SLIT2: variants seen among roughly 807,000 people sequenced by gnomAD.
The protein encoded by SLIT2 is slit guidance ligand 2.
A neutral mutation model predicts 185.7 loss-of-function variants in SLIT2; 41 were observed. The observed-to-expected ratio is 0.22, with a 90% CI of 0.17 to 0.29. The LOEUF (loss-of-function observed/expected upper bound fraction) is 0.29. SLIT2 is among the 10% of genes least tolerant of loss of function. SLIT2 has a pLI of 1.00. For missense variants in SLIT2, 1,571 were observed against 1,909.0 expected (o/e 0.82, Z 3.30); for synonymous variants, 693 against 680.2 (o/e 1.02, Z -0.29).
chr4:20,416,837 T>C (rs1312587839), intron 4 of SLIT2, among the ~76,000 whole-genome samples: 1 of 152,222 alleles, frequency 6.6e-6, no homozygotes. Context: ...TTAGCCTCAA[T>C]TGGAAAAATG....
intron 4 of SLIT2, among the ~76,000 whole-genome samples, chr4:20,302,645 G>A (rs1717163902): frequency 1.3e-5 from 2 of 152,096 alleles, no homozygotes; most frequent in African/African-American, 2.4e-5. Context: ...ATTTAAGGAG[G>A]GAGGTTAAGG....
At chr4:20,612,824 A>G (rs980934359) in intron 34 of SLIT2, among the ~76,000 whole-genome samples, 1 of 151,132 alleles carries the variant, frequency 6.6e-6, no homozygotes, top group African/African-American at 2.4e-5. Flanking sequence ...AGACTGAGGC[A>G]GGAGAATGGC....
intron 4 of SLIT2, among the ~76,000 whole-genome samples, chr4:20,306,498 C>G (rs76254348): frequency 6.6e-5 from 10 of 152,008 alleles, no homozygotes; most frequent in Non-Finnish European, 8.8e-5. Flanking sequence ...GCTTGAAAAT[C>G]CTAAAATGTA....
rs1721639097 is a variant in SLIT2 at position 20,348,726 on chromosome 4, G to T, written c.395+79845G>T. 1.3e-5 allele frequency among the ~76,000 whole-genome samples: 2 copies of T among 152,198 alleles called. 1 individual carries two copies. Among genetic ancestry groups the T allele is most frequent in the South Asian group, 4.1e-4 (2 of 4,834 alleles). On this transcript the variant is annotated intron_variant, in intron 4 of 36. Transcript: ENST00000504154. The stretch of plus-strand genomic sequence containing the variant: ...GAATATAAGTGCTCTGTCATTAAGA[G>T]TTCGTTTGTCAACGTCTTGAGTCTT...
intron 30 of SLIT2, 140 bp from the exon 31 acceptor site, chr4:20,595,557 G>C (rs775033825): frequency 2.1e-6 from 2 of 974,516 alleles, no homozygotes; most frequent in Non-Finnish European, 3.1e-6. Flanking sequence ...CGATTTTCTA[G>C]GTATCCATTA....
At chr4:20,518,550 C>T (rs1329373607) in intron 11 of SLIT2, among the ~76,000 whole-genome samples, 4 of 45,850 alleles carry the variant, frequency 8.7e-5, no homozygotes, top group African/African-American at 7.2e-5. Flanking sequence ...CTGTGCCCAG[C>T]CTATATGTAT....
chr4:20,280,264 C>T lies in SLIT2; in HGVS notation c.395+11383C>T, dbSNP rs187807617. On this transcript the variant is annotated intron_variant, in intron 4 of 36. Coordinates refer to ENST00000504154, the MANE Select transcript of SLIT2 (RefSeq NM_004787.4). ...AGGAGAATGGCGTGAACCTGGGAGG[C>T]GGAGGTTGCAGTGAGCCGAGACCGC... Among the ~76,000 whole-genome samples the T allele has an allele frequency of 6.8e-4, 96 of 142,026 alleles. No individual in the cohort carries two copies. In the East Asian group the frequency reaches 0.018, roughly 27 times the overall value. The allele number at this position is 142,026 out of a possible 152,430, so 93.2% of individuals were successfully genotyped here. A position where few individuals can be genotyped will look rare whatever the true frequency, so the allele number is the denominator to read the frequency against.
At chr4:20,549,219 T>C (rs189886472) in intron 24 of SLIT2, 91 bp downstream of exon 24, 172 of 708,582 alleles carry the variant, frequency 2.4e-4, no homozygotes, top group Non-Finnish European at 3.8e-4. Context: ...TTGTTGATTC[T>C]TGGTGCTTGA....
At position 20,528,028 on chromosome 4, in the gene SLIT2, G is replaced by A. The variant is rs1721448702; in HGVS notation, c.1463-921G>A. 6.6e-6 allele frequency among the ~76,000 whole-genome samples: 1 copy of A among 151,922 alleles called. No homozygotes were observed. The highest frequency in any genetic ancestry group is 1.5e-5 in the Non-Finnish European group (1 of 67,996). The stretch of plus-strand genomic sequence containing the variant: ...GCTCACCTTCAACTTCTTCCTGGAT[G>A]TTGTTCCCGAAAGCTGTTGTTTCCA... On this transcript the variant is annotated intron_variant, in intron 15 of 36. Transcript: ENST00000504154. The surrounding 1 kb of genome is among the most constrained non-coding windows in gnomAD (Gnocchi z 4.2).
intron 4 of SLIT2, among the ~76,000 whole-genome samples, chr4:20,457,646 T>G (rs1577693212): frequency 6.6e-6 from 1 of 152,298 alleles, no homozygotes; most frequent in African/African-American, 2.4e-5. Context: ...TTTATTTTAA[T>G]CAGTGCAGTG....
At chr4:20,477,340 A>G (rs1021198228) in intron 5 of SLIT2, among the ~76,000 whole-genome samples, 1 of 151,972 alleles carries the variant, frequency 6.6e-6, no homozygotes, top group African/African-American at 2.4e-5. Flanking sequence ...CTGGGATTAC[A>G]GGTGCCCACC....
At chr4:20,472,411 T>TATCTATATATATAGATATATAGATATAG (rs1715379249) in intron 5 of SLIT2, among the ~76,000 whole-genome samples, 1 of 54,196 alleles carries the variant, frequency 1.8e-5, no homozygotes, top group Non-Finnish European at 3.1e-5. Context: ...TAGATATCTA[T>TATCTATATATATAGATATATAGATATAG]ATATCTATAT....
chr4:20,419,461 G>A (rs1245856465), intron 4 of SLIT2, among the ~76,000 whole-genome samples: 1 of 152,050 alleles, frequency 6.6e-6, no homozygotes, highest in Non-Finnish European at 1.5e-5. Flanking sequence ...ATTCCCATGG[G>A]CTTCTCCAGT....
chr4:20,276,433 C>A (rs1241232822), intron 4 of SLIT2, among the ~76,000 whole-genome samples: 1 of 152,024 alleles, frequency 6.6e-6, no homozygotes, highest in Non-Finnish European at 1.5e-5. Context: ...GAGAAGGAAG[C>A]AGTGAAGAGT....
intron 4 of SLIT2, among the ~76,000 whole-genome samples, chr4:20,365,530 T>G (rs1723051470): frequency 2.6e-5 from 4 of 151,960 alleles, no homozygotes. Context: ...GTTCTGTCCT[T>G]CCCCCCACCC....
At position 20,542,553 on chromosome 4, in the gene SLIT2, G is replaced by A. The variant is rs752217944; in HGVS notation, c.2203G>A (p.Asp735Asn). The change falls in exon 21 of 37, where the codon GAT (aspartate) becomes AAT (asparagine). Residue 735 changes from aspartate (D) to asparagine (N), a missense_variant. Physicochemically the swap from Asp to Asn is conservative, Grantham distance 23 (BLOSUM62 1). Around this residue, in one of 3 missense-constraint regions of SLIT2, gnomAD observed 1,202 missense variants for 1,416.4 expected, o/e 0.85. Transcript: ENST00000504154. The stretch of plus-strand genomic sequence containing the variant: ...CTGTCCTACTGAATGTACTTGCTTG[G>A]ATACAGTCGTCCGATGTAGCAACAA... ...SRCPTECTCL[D>N]TVVRCSNKGL... 1 of 1,613,706 alleles carries A rather than the reference G, an allele frequency of 6.2e-7. No individual in the cohort carries two copies. The highest frequency in any genetic ancestry group is 8.5e-7 in the Non-Finnish European group (1 of 1,179,710).
At chr4:20,590,360 C>T (rs1160229749) in intron 30 of SLIT2, among the ~76,000 whole-genome samples, 1 of 152,058 alleles carries the variant, frequency 6.6e-6, no homozygotes, top group African/African-American at 2.4e-5. Flanking sequence ...GTAATGTCTT[C>T]TATGTGCTTC....
intron 26 of SLIT2, among the ~76,000 whole-genome samples, chr4:20,560,389 G>T (rs1301682225): frequency 6.6e-6 from 1 of 151,834 alleles, no homozygotes; most frequent in Non-Finnish European, 1.5e-5. Context: ...TCATTTTGAT[G>T]CATAACAGAA....
At chr4:20,420,721 C>T (rs1728109411) in intron 4 of SLIT2, among the ~76,000 whole-genome samples, 1 of 151,986 alleles carries the variant, frequency 6.6e-6, no homozygotes, top group South Asian at 2.1e-4. Context: ...CAAATGTTGA[C>T]ACCCTAACCT....
Sources: gnomAD v4.1 joint callset for allele counts (sites outside exome capture counted in the v4.1 genomes callset) on GRCh38, gnomAD v4.1.1 for gene constraint, gnomAD v4.1.1 regional missense constraint, Gnocchi (gnomAD v3.1) non-coding constraint, MANE v1.5 for transcripts, NCBI Gene and HGNC (gene_info 2026-07-23, HGNC 2026-07-21) for gene names.